METTL15: variants seen among roughly 807,000 people sequenced by gnomAD.
METTL15 encodes methyltransferase 15, mitochondrial 12S rRNA N4-cytidine, also known as 12S rRNA N(4)-cytidine methyltransferase METTL15.
Under a neutral mutation model 38.3 loss-of-function variants are expected in METTL15, and 34 were observed. The observed-to-expected ratio is 0.89, with a 90% confidence interval of 0.68 to 1.18. METTL15 has a LOEUF of 1.18. METTL15 is among the 50% of genes most tolerant of loss of function. The pLI, the probability that METTL15 is intolerant of heterozygous loss-of-function variation, is 0.00. For missense variants in METTL15, 438 were observed against 498.4 expected (o/e 0.88, Z 1.15); for synonymous variants, 162 against 170.9 (o/e 0.95, Z 0.41).
chr11:28,325,352 A>G (rs1369136378), intron 6 of METTL15, among the ~76,000 whole-genome samples: 1 of 152,184 alleles, frequency 6.6e-6, no homozygotes, highest in East Asian at 1.9e-4. Context: ...CGCTAGGCTG[A>G]GCAAGACATA....
At chr11:28,143,059 G>A (rs1849753941) in intron 3 of METTL15, among the ~76,000 whole-genome samples, 1 of 152,050 alleles carries the variant, frequency 6.6e-6, no homozygotes, top group African/African-American at 2.4e-5. Flanking sequence ...AACTGTAAAG[G>A]TAGGTGTGTG....
At chr11:28,219,871 T>C (rs1361938460) in intron 4 of METTL15, among the ~76,000 whole-genome samples, 2 of 152,178 alleles carry the variant, frequency 1.3e-5, no homozygotes, top group East Asian at 3.8e-4. Flanking sequence ...TTGAGTGGTT[T>C]TGAGTGAGTT....
intron 3 of METTL15, among the ~76,000 whole-genome samples, chr11:28,184,616 G>A (rs1171383973): frequency 6.6e-6 from 1 of 151,176 alleles, no homozygotes; most frequent in African/African-American, 2.4e-5. Flanking sequence ...TAAATACTTA[G>A]TACAGTACTT....
intron 4 of METTL15, among the ~76,000 whole-genome samples, chr11:28,222,015 G>A (rs992099929): frequency 2.0e-5 from 3 of 152,204 alleles, no homozygotes; most frequent in Non-Finnish European, 4.4e-5. Flanking sequence ...CCCACTTGAG[G>A]AGGCAGTCTG....
At chr11:28,372,750 A>G (rs1221662712) in intron 5 of METTL15, among the ~76,000 whole-genome samples, 2 of 145,464 alleles carry the variant, frequency 1.4e-5, no homozygotes, top group Non-Finnish European at 3.0e-5. Flanking sequence ...GGTATATCTC[A>G]TAATGCTATC....
At chr11:28,219,860 G>T (rs1332269637) in intron 4 of METTL15, among the ~76,000 whole-genome samples, 1 of 152,158 alleles carries the variant, frequency 6.6e-6, no homozygotes, top group Non-Finnish European at 1.5e-5. Flanking sequence ...TTTCCATGTA[G>T]TTGAGTGGTT....
Position 28,388,592 on chromosome 11 carries a change from G to A in METTL15, c.*358+26556G>A, listed in dbSNP as rs562439447. Among the ~76,000 whole-genome samples, 3 of 152,122 alleles carry A rather than the reference G, an allele frequency of 2.0e-5. No homozygotes were observed. In the East Asian group the frequency reaches 5.8e-4, roughly 29 times the overall value. ...AAATGTAAAGACATTCTGTGTTCAT[G>A]GATTACAAGACAATATTGTTAAAAT... On this transcript the variant is annotated intron_variant and NMD_transcript_variant, in intron 5 of 7. Transcript: ENST00000532947.
intron 3 of METTL15, among the ~76,000 whole-genome samples, chr11:28,126,728 T>A (rs1852505227): frequency 6.6e-6 from 1 of 152,140 alleles, no homozygotes; most frequent in East Asian, 1.9e-4. Flanking sequence ...GTACTGGATA[T>A]GCAATATAGA....
intron 4 of METTL15, among the ~76,000 whole-genome samples, chr11:28,222,486 A>G (rs975640748): frequency 6.6e-6 from 1 of 152,042 alleles, no homozygotes; most frequent in Admixed American, 6.6e-5. Flanking sequence ...GAATTCCCTG[A>G]CCCCTTGCAC....
chr11:28,217,102 G>A (rs1268845797), intron 4 of METTL15, among the ~76,000 whole-genome samples: 2 of 152,220 alleles, frequency 1.3e-5, no homozygotes, highest in African/African-American at 4.8e-5. Flanking sequence ...GGGTCAAATG[G>A]TATTTCTAAT....
chr11:28,256,948 A>T (rs1011299380), intron 4 of METTL15, among the ~76,000 whole-genome samples: 20 of 151,964 alleles, frequency 1.3e-4, no homozygotes, highest in Non-Finnish European at 2.9e-5. Context: ...TAATTTCTTC[A>T]TTGTCCCACT....
intron 6 of METTL15, among the ~76,000 whole-genome samples, chr11:28,308,079 A>G (rs983844102): frequency 7.9e-5 from 12 of 151,874 alleles, no homozygotes; most frequent in Non-Finnish European, 1.8e-4. Context: ...TAGGTTTATG[A>G]TTATTTTCAC....
chr11:28,480,545 C>G (rs183150637), intron 6 of METTL15, among the ~76,000 whole-genome samples: 1 of 152,174 alleles, frequency 6.6e-6, no homozygotes, highest in African/African-American at 2.4e-5. Flanking sequence ...TGACAGCTCT[C>G]GTAAGCAGTA....
intron 3 of METTL15, among the ~76,000 whole-genome samples, chr11:28,185,888 A>C (rs1383030010): frequency 6.7e-6 from 1 of 149,306 alleles, no homozygotes; most frequent in Non-Finnish European, 1.5e-5. Flanking sequence ...TTAATATATA[A>C]ATAAATATAT....
intron 6 of METTL15, among the ~76,000 whole-genome samples, chr11:28,321,097 T>G (rs1467602187): frequency 2.0e-5 from 3 of 152,132 alleles, no homozygotes; most frequent in Admixed American, 6.5e-5. Context: ...GGCAGAACCT[T>G]TAAATTAACA....
At chr11:28,524,001 T>TG (rs993680414) in intron 6 of METTL15, among the ~76,000 whole-genome samples, 1 of 152,222 alleles carries the variant, frequency 6.6e-6, no homozygotes, top group African/African-American at 2.4e-5. Context: ...ATCCCTAAAA[T>TG]GCGTAATTAT....
chr11:28,315,210 C>T (rs1020259092), intron 6 of METTL15, among the ~76,000 whole-genome samples: 1 of 152,144 alleles, frequency 6.6e-6, no homozygotes, highest in African/African-American at 2.4e-5. Flanking sequence ...TAGAGCCTTG[C>T]TGAATGGCTT....
intron 3 of METTL15, among the ~76,000 whole-genome samples, chr11:28,172,945 G>A (rs1850911871): frequency 6.6e-6 from 1 of 151,944 alleles, no homozygotes; most frequent in Non-Finnish European, 1.5e-5. Flanking sequence ...GGTATTTCAG[G>A]AGACTAGAAA....
chr11:28,456,186 T>A (rs61338817), intron 6 of METTL15, among the ~76,000 whole-genome samples: 60,796 of 150,464 alleles, frequency 0.4, 13,971 homozygotes, highest in Admixed American at 0.52. Context: ...TTAAAAAAAA[T>A]TTTTGTAGAG....
Sources: allele counts gnomAD v4.1 joint callset (sites outside exome capture counted in the v4.1 genomes callset), GRCh38; gene constraint gnomAD v4.1.1; transcripts MANE v1.5; gene names NCBI Gene and HGNC (gene_info 2026-07-23, HGNC 2026-07-21).